The following STEAP1B variants were observed in gnomAD, a reference collection of about 807,000 sequenced individuals.
The protein encoded by STEAP1B is STEAP family member 1B, also known as STEAP family protein MGC87042.
STEAP1B carries 13 observed loss-of-function variants against 27.9 expected under a neutral mutation model. That is an observed-to-expected ratio of 0.47 (90% CI 0.30 to 0.74). STEAP1B has a LOEUF of 0.74. Ranked by LOEUF, STEAP1B falls within the 30% of genes least tolerant of loss-of-function variation. STEAP1B has a pLI of 0.06. For missense variants in STEAP1B, 250 were observed against 298.7 expected, an observed-to-expected ratio of 0.84 and a Z score of 1.20; for synonymous variants, 86 against 107.1, an observed-to-expected ratio of 0.80 and a Z score of 1.22.
chr7:22,448,463 C>T (rs763510693), intron 4 of STEAP1B, among the ~76,000 whole-genome samples: 4 of 152,006 alleles, frequency 2.6e-5, no homozygotes, highest in East Asian at 1.9e-4. Context: ...AGGGACCTCA[C>T]GCTTAAAAAT....
intron 4 of STEAP1B, among the ~76,000 whole-genome samples, chr7:22,469,520 C>A (rs1444635723): frequency 1.3e-5 from 2 of 152,194 alleles, no homozygotes; most frequent in Non-Finnish European, 2.9e-5. Context: ...TCCAGTCCTG[C>A]CAGCTCTATT....
rs373871499 is a variant in STEAP1B, at chr7:22,419,744, A to G, written c.*60T>C. On this transcript the variant is annotated 3_prime_UTR_variant, in exon 5 of 5. Transcript: ENST00000678116. ...CACTGGGTGGTGTTCTGCATGAGCAATCCAATGCTGTGCTCCAAAGCCTCG... is the reference window on the plus strand; with the variant it reads ...CACTGGGTGGTGTTCTGCATGAGCAGTCCAATGCTGTGCTCCAAAGCCTCG... 1 of 1,536,380 alleles carries G rather than the reference A, an allele frequency of 6.5e-7. No individual in the cohort carries two copies.
At chr7:22,430,051 T>G (rs1422268002) in intron 4 of STEAP1B, among the ~76,000 whole-genome samples, 1 of 152,252 alleles carries the variant, frequency 6.6e-6, no homozygotes, top group East Asian at 1.9e-4. Flanking sequence ...TCTTCAACAG[T>G]GCCAGGTGTG....
At chr7:22,466,416 T>C (rs1257188663) in intron 4 of STEAP1B, among the ~76,000 whole-genome samples, 1 of 132,540 alleles carries the variant, frequency 7.5e-6, no homozygotes, top group East Asian at 2.5e-4. Flanking sequence ...ACTGTTTTCT[T>C]TGTGTCCATG....
At chr7:22,456,964 ATATATATATT>A (rs1348727317) in intron 4 of STEAP1B, among the ~76,000 whole-genome samples, 1 of 33,074 alleles carries the variant, frequency 3.0e-5, no homozygotes, top group South Asian at 1.3e-3. Flanking sequence ...ATATATATAT[ATATATATATT>A]TTTTTTTTTT....
In STEAP1B at chr7:22,493,319, C is replaced by T. The variant is rs371604133; in HGVS notation, c.597+5G>A. The T allele has an allele frequency of 3.6e-4, 571 of 1,606,042 alleles. No individual in the cohort carries two copies. Among genetic ancestry groups the T allele is most frequent in the Non-Finnish European group, 4.7e-4 (550 of 1,174,290 alleles). ...TTAGTAACAGTGACATCATTGTCAT[C>T]TCACCTGTTGATATGCCCAGTTTAG... On this transcript the variant is annotated splice_donor_5th_base_variant and intron_variant, in intron 3 of 4. Transcript: ENST00000678116.
chr7:22,475,228 G>A (rs2128411874), intron 4 of STEAP1B, among the ~76,000 whole-genome samples: 1 of 152,310 alleles, frequency 6.6e-6, no homozygotes, highest in East Asian at 1.9e-4. Context: ...GCATCTCCCT[G>A]CTGGCCAGTA....
intron 2 of STEAP1B, among the ~76,000 whole-genome samples, chr7:22,494,429 C>CTT (rs5882846): frequency 0.017 from 2,529 of 145,788 alleles, 83 homozygotes; most frequent in African/African-American, 0.059. Flanking sequence ...GCATTGATGA[C>CTT]TTTTTTTTTT....
intron 4 of STEAP1B, among the ~76,000 whole-genome samples, chr7:22,439,311 A>G (rs1785297147): frequency 6.6e-6 from 1 of 152,250 alleles, no homozygotes; most frequent in Non-Finnish European, 1.5e-5. Context: ...TACATACAAA[A>G]AGTGAACTGA....
intron 4 of STEAP1B, among the ~76,000 whole-genome samples, chr7:22,461,925 G>A (rs903396838): frequency 9.9e-5 from 15 of 152,198 alleles, no homozygotes; most frequent in Admixed American, 6.5e-5. Context: ...TTAGGATTAA[G>A]TGAGATCATC....
chr7:22,481,157 C>T (rs997881740), intron 4 of STEAP1B, among the ~76,000 whole-genome samples: 2 of 152,198 alleles, frequency 1.3e-5, no homozygotes, highest in African/African-American at 2.4e-5. Flanking sequence ...ACCTTGAATC[C>T]AGGTGATGTG....
At chr7:22,496,240 G>C (rs892813639) in intron 1 of STEAP1B, among the ~76,000 whole-genome samples, 2 of 152,176 alleles carry the variant, frequency 1.3e-5, no homozygotes, top group African/African-American at 4.8e-5. Context: ...TATAAACAAA[G>C]AAAATATTTT....
At chr7:22,497,081 G>C (rs1374236224) in intron 1 of STEAP1B, among the ~76,000 whole-genome samples, 1 of 152,200 alleles carries the variant, frequency 6.6e-6, no homozygotes, top group East Asian at 1.9e-4. Context: ...GGGAGATTGT[G>C]CAAAATAGTA....
chr7:22,424,886 T>C (rs972258595), intron 4 of STEAP1B, among the ~76,000 whole-genome samples: 2 of 76,316 alleles, frequency 2.6e-5, no homozygotes, highest in Non-Finnish European at 6.3e-5. Flanking sequence ...AGAGTACAAA[T>C]TGTTAAGTGA....
chr7:22,421,996 A>G (rs1785050102), intron 4 of STEAP1B, among the ~76,000 whole-genome samples: 2 of 152,270 alleles, frequency 1.3e-5, no homozygotes, highest in African/African-American at 4.8e-5. Flanking sequence ...AAATAGCTGG[A>G]TGCACTTTTC....
At chr7:22,429,871 C>T (rs1331317665) in intron 4 of STEAP1B, among the ~76,000 whole-genome samples, 1 of 151,980 alleles carries the variant, frequency 6.6e-6, no homozygotes, top group Non-Finnish European at 1.5e-5. Context: ...GCTTAACAGG[C>T]CTGACACAGG....
rs923457912 is a variant in STEAP1B at position 22,481,926 on chromosome 7, T to C, written c.762+10639A>G. The stretch of plus-strand genomic sequence containing the variant: ...CATCCTGTAAGTAAAACAAAGTCTG[T>C]TGGCACGTGTTTCCATGAAGATTCA... On this transcript the variant is annotated intron_variant, in intron 4 of 4. Transcript: ENST00000678116. Among the ~76,000 whole-genome samples, 4 of 152,232 alleles carry C rather than the reference T, an allele frequency of 2.6e-5. No individual in the cohort carries two copies. The South Asian group carries it at 6.2e-4, about 24-fold the overall frequency.
chr7:22,472,521 A>T (rs992647119), intron 4 of STEAP1B, among the ~76,000 whole-genome samples: 1 of 152,206 alleles, frequency 6.6e-6, no homozygotes, highest in Non-Finnish European at 1.5e-5. Flanking sequence ...ATTGAGAGTT[A>T]AGTCTTTAGA....
intron 1 of STEAP1B, among the ~76,000 whole-genome samples, chr7:22,495,715 A>C (rs1786428696): frequency 6.6e-6 from 1 of 152,056 alleles, no homozygotes; most frequent in African/African-American, 2.4e-5. Context: ...AATTTGATTG[A>C]CAGAAAACAT....
Sources: gnomAD v4.1 joint callset for allele counts (sites outside exome capture counted in the v4.1 genomes callset) on GRCh38, gnomAD v4.1.1 for gene constraint, MANE v1.5 for transcripts, NCBI Gene and HGNC (gene_info 2026-07-23, HGNC 2026-07-21) for gene names.